CACNA1D: variants seen among roughly 807,000 people sequenced by gnomAD.
CACNA1D encodes calcium voltage-gated channel subunit alpha1 D.
Under a neutral mutation model 257.1 loss-of-function variants are expected in CACNA1D, and 55 were observed. The observed-to-expected ratio is 0.21, with a 90% CI of 0.17 to 0.27. The LOEUF is 0.27. Among genes scored for constraint, CACNA1D ranks in the 10% least tolerant of loss-of-function variants. CACNA1D has a pLI of 1.00. For synonymous variants in CACNA1D, 980 were observed against 1,014.9 expected, an observed-to-expected ratio of 0.97 and a Z score of 0.65; for missense variants, 1,876 against 2,784.0, an observed-to-expected ratio of 0.67 and a Z score of 7.34.
chr3:53,718,189 C>T (rs973047543), intron 9 of CACNA1D, 112 bp from the exon 10 acceptor site: 3 of 895,708 alleles, frequency 3.3e-6, no homozygotes, highest in African/African-American at 3.3e-5. Context: ...GCCCTTTTCA[C>T]CCTCCTCCTG....
rs150798142 is a variant in CACNA1D at position 53,699,450 on chromosome 3, G to A, written c.1221-3191G>A. Among the ~76,000 whole-genome samples, 65 of 152,322 alleles carry A rather than the reference G, an allele frequency of 4.3e-4. 1 individual carries two copies. The highest frequency in any genetic ancestry group is 6.8e-3 in the Middle Eastern group (2 of 294). The stretch of plus-strand genomic sequence containing the variant: ...TCTTGCTTAATTCCTGTGAAACAGC[G>A]GAACAGGTATTGTTGTGTCTGTTTG... On this transcript the variant is annotated intron_variant, in intron 8 of 47. Coordinates refer to ENST00000350061, the MANE Select transcript of CACNA1D (RefSeq NM_001128840.3).
rs148304244 is a variant in CACNA1D, at chr3:53,768,295, G to C, written c.3871-1678G>C. ...TGCACATTTCAGAAGGATAACTGTA[G>C]AGCCGTCTCTCTCGTGCACACTGCC... On this transcript the variant is annotated intron_variant, in intron 30 of 47. Coordinates refer to ENST00000350061, the MANE Select transcript of CACNA1D (RefSeq NM_001128840.3). 4.2e-3 allele frequency among the ~76,000 whole-genome samples: 647 copies of C among 152,240 alleles called. 7 individuals are homozygous for C. The highest frequency in any genetic ancestry group is 0.015 in the African/African-American group (621 of 41,532).
intron 8 of CACNA1D, among the ~76,000 whole-genome samples, chr3:53,681,366 C>T (rs1049384124): frequency 6.6e-6 from 1 of 152,210 alleles, no homozygotes; most frequent in Non-Finnish European, 1.5e-5. Flanking sequence ...CTGTGCTTGG[C>T]CTGCAGGCAG....
intron 29 of CACNA1D, among the ~76,000 whole-genome samples, chr3:53,759,352 G>A (rs926633334): frequency 2.0e-5 from 3 of 152,242 alleles, no homozygotes; most frequent in Non-Finnish European, 4.4e-5. Context: ...GAGCTGTTCA[G>A]GAATAAAATC....
chr3:53,500,113 C>T (rs1448495335), intron 2 of CACNA1D, among the ~76,000 whole-genome samples: 2 of 151,752 alleles, frequency 1.3e-5, no homozygotes, highest in African/African-American at 4.8e-5. Context: ...CTCCAGAGGC[C>T]GGGCACAGTG....
chr3:53,670,671 A>G (rs927102378), intron 7 of CACNA1D, among the ~76,000 whole-genome samples: 34 of 152,318 alleles, frequency 2.2e-4, no homozygotes, highest in Admixed American at 2.2e-3. Context: ...AAGAAGGAAA[A>G]CTGAAGCTAA....
At position 53,659,830 on chromosome 3, in the gene CACNA1D, G is replaced by C. The variant is rs771899896; in HGVS notation, c.624-303G>C. On this transcript the variant is annotated intron_variant, in intron 4 of 47. Coordinates refer to ENST00000350061, the MANE Select transcript of CACNA1D (RefSeq NM_001128840.3). ...CACCAAGATGGCTGTTGTCATTTTA[G>C]TTTGCAGCAGTTCCACTTGTCATCA... Among the ~76,000 whole-genome samples, 4 of 152,358 alleles carry C rather than the reference G, an allele frequency of 2.6e-5. No individual in the cohort carries two copies. In the East Asian group the frequency reaches 5.8e-4, roughly 22 times the overall value.
intron 34 of CACNA1D, among the ~76,000 whole-genome samples, chr3:53,775,535 G>A (rs941775678): frequency 6.6e-6 from 1 of 152,066 alleles, no homozygotes; most frequent in Non-Finnish European, 1.5e-5. Context: ...CTCCAGCCTG[G>A]GCAACAGAGC....
chr3:53,605,838 T>C (rs2093502896), intron 3 of CACNA1D, among the ~76,000 whole-genome samples: 1 of 152,172 alleles, frequency 6.6e-6, no homozygotes, highest in African/African-American at 2.4e-5. Context: ...ATGCCAGTGC[T>C]CAGAGCTGTG....
chr3:53,800,274 T>A lies in CACNA1D; in HGVS notation c.4949T>A (p.Ile1650Asn). 1 of 1,613,884 alleles carries A rather than the reference T, an allele frequency of 6.2e-7. No individual in the cohort carries two copies. The highest frequency in any genetic ancestry group is 1.3e-5 in the African/African-American group (1 of 75,022). ...GCGGGATTAAGGACACTGCATGACATTGGGCCAGAAATCCGGCGTGCTATA... is the reference window on the plus strand; with the variant it reads ...GCGGGATTAAGGACACTGCATGACAATGGGCCAGAAATCCGGCGTGCTATA... The part of the protein sequence containing the change: ...LQAGLRTLHD[I>N]GPEIRRAISC... Residue 1650 changes from isoleucine to asparagine, a missense_variant, in exon 41 of 48, where the codon ATT becomes AAT. This residue lies in a region of CACNA1D where 160 missense variants were observed against 236.6 expected (regional missense o/e 0.68). Transcript: ENST00000350061. This position sits in a 1 kb window ranked among gnomAD's most constrained non-coding sequence, Gnocchi z 4.3.
chr3:53,716,055 C>T (rs1181845453), intron 9 of CACNA1D, among the ~76,000 whole-genome samples: 2 of 152,208 alleles, frequency 1.3e-5, no homozygotes, highest in African/African-American at 4.8e-5. Flanking sequence ...CAGCATGAGA[C>T]ATGACTCCAG....
Position 53,745,891 on chromosome 3 carries a change from G to A in CACNA1D, c.3167+16G>A, listed in dbSNP as rs1467812237. ...AAGAATGCAGGTGAGCGTCCTGAGA[G>A]TGGAGTAGGGGACTTAGAAGAGCAA... On this transcript the variant is annotated intron_variant, in intron 25 of 47. Transcript: ENST00000350061. The A allele has an allele frequency of 6.2e-7, 1 of 1,603,758 alleles. No homozygotes were observed. The highest frequency in any genetic ancestry group is 2.2e-5 in the East Asian group (1 of 44,838).
chr3:53,533,157 A>G (rs763610359), intron 3 of CACNA1D, among the ~76,000 whole-genome samples: 3 of 152,206 alleles, frequency 2.0e-5, no homozygotes, highest in Non-Finnish European at 4.4e-5. Context: ...CTTGGCTTCA[A>G]AGAAGCTCAG....
chr3:53,646,217 C>T (rs1281636103), intron 3 of CACNA1D, among the ~76,000 whole-genome samples: 1 of 152,030 alleles, frequency 6.6e-6, no homozygotes, highest in Non-Finnish European at 1.5e-5. Flanking sequence ...GGAATCTAGG[C>T]AAGGATGAAA....
chr3:53,803,686 A>T (rs1230204854), intron 44 of CACNA1D, 114 bp downstream of exon 44: 3 of 983,774 alleles, frequency 3.0e-6, no homozygotes, highest in Non-Finnish European at 4.8e-6. Context: ...AAAAAGCAAA[A>T]TGGGAGCAGA....
chr3:53,693,473 T>C (rs1384429870), intron 8 of CACNA1D, among the ~76,000 whole-genome samples: 1 of 152,136 alleles, frequency 6.6e-6, no homozygotes, highest in Non-Finnish European at 1.5e-5. Flanking sequence ...TTTTTTTTTT[T>C]TTTTTTACAA....
chr3:53,681,961 A>G (rs2094433729), intron 8 of CACNA1D, among the ~76,000 whole-genome samples: 1 of 152,184 alleles, frequency 6.6e-6, no homozygotes, highest in Admixed American at 6.5e-5. Context: ...CTAGGGTGAC[A>G]GGAACTGGGA....
At chr3:53,583,480 A>G (rs772826573) in intron 3 of CACNA1D, among the ~76,000 whole-genome samples, 44 of 152,302 alleles carry the variant, frequency 2.9e-4, no homozygotes, top group Non-Finnish European at 4.7e-4. Context: ...AGCCAGACCC[A>G]AATGTGCCTC....
At chr3:53,801,572 C>CTGGGGGGCA in intron 42 of CACNA1D, 147 bp downstream of exon 42, 1 of 1,013,966 alleles carries the variant, frequency 9.9e-7, no homozygotes, top group Non-Finnish European at 1.5e-6. Flanking sequence ...TGTGAGTGCC[C>CTGGGGGGCA]CCCAGGTCAC....
Sources: gnomAD v4.1 joint callset for allele counts (sites outside exome capture counted in the v4.1 genomes callset) on GRCh38, gnomAD v4.1.1 for gene constraint, gnomAD v4.1.1 regional missense constraint, Gnocchi (gnomAD v3.1) non-coding constraint, MANE v1.5 for transcripts, NCBI Gene and HGNC (gene_info 2026-07-23, HGNC 2026-07-21) for gene names.